RHOJ: variants seen among roughly 807,000 people sequenced by gnomAD.
RHOJ encodes ras homolog family member J.
A neutral mutation model predicts 23.4 loss-of-function variants in RHOJ; 11 were observed. The observed-to-expected ratio is 0.47, with a 90% CI of 0.30 to 0.78. The LOEUF is 0.78. Ranked by LOEUF, RHOJ falls within the 30% of genes least tolerant of loss-of-function variation. The pLI is 0.08. For missense variants in RHOJ, 254 were observed against 273.4 expected, an observed-to-expected ratio of 0.93 and a Z score of 0.50; for synonymous variants, 102 against 102.7, an observed-to-expected ratio of 0.99 and a Z score of 0.04.
At chr14:63,275,184 T>G (rs908250606) in intron 2 of RHOJ, among the ~76,000 whole-genome samples, 4 of 152,072 alleles carry the variant, frequency 2.6e-5, no homozygotes, top group Admixed American at 6.6e-5. Context: ...CCAGGCGTGG[T>G]GTGCATACCT....
In RHOJ at chr14:63,292,594, C is replaced by G. The variant is rs1417701569; in HGVS notation, c.*1570C>G. On this transcript the variant is annotated 3_prime_UTR_variant, in exon 5 of 5. Transcript: ENST00000316754. ...AACTTTAAGACTTTCCAGATTCAAG[C>G]TCCCACTGTTGGAAAAAGCCAGCCT... 1 of 152,094 alleles carries G rather than the reference C, an allele frequency of 6.6e-6. No individual in the cohort carries two copies. The highest frequency in any genetic ancestry group is 1.5e-5 in the Non-Finnish European group (1 of 68,026). 9.4% of individuals were successfully genotyped at this position (152,094 alleles called of 1,614,324 possible).
rs555607318 is a variant in RHOJ at position 63,269,742 on chromosome 14, A to G, written c.237+574A>G. 2.0e-5 allele frequency among the ~76,000 whole-genome samples: 3 copies of G among 152,328 alleles called. 1 individual carries two copies. The highest frequency in any genetic ancestry group is 4.1e-4 in the South Asian group (2 of 4,824). ...CTAACTTCCCTAAGATTCTTGAAAT[A>G]TTCTCACTTTGTCAGGACTGTTTCT... On this transcript the variant is annotated intron_variant, in intron 2 of 4. Transcript: ENST00000316754.
intron 1 of RHOJ, among the ~76,000 whole-genome samples, chr14:63,265,236 A>G (rs1414341984): frequency 6.6e-6 from 1 of 152,232 alleles, no homozygotes; most frequent in African/African-American, 2.4e-5. Flanking sequence ...ATTCTTCTGC[A>G]TATGGCTAGC....
chr14:63,245,340 G>GTATA (rs1404818694), intron 1 of RHOJ, among the ~76,000 whole-genome samples: 2 of 151,934 alleles, frequency 1.3e-5, no homozygotes, highest in Non-Finnish European at 2.9e-5. Flanking sequence ...AATACACAGG[G>GTATA]TATACTATTT....
At chr14:63,250,197 C>A (rs1345194821) in intron 1 of RHOJ, among the ~76,000 whole-genome samples, 1 of 152,178 alleles carries the variant, frequency 6.6e-6, no homozygotes, top group Admixed American at 6.5e-5. Flanking sequence ...TATCTGCTTA[C>A]TCCCCTCATT....
chr14:63,230,239 G>C (rs1894666544), intron 1 of RHOJ, among the ~76,000 whole-genome samples: 1 of 151,730 alleles, frequency 6.6e-6, no homozygotes, highest in South Asian at 2.1e-4. Flanking sequence ...GACTGACCAA[G>C]ATATAGAAGG....
At chr14:63,290,555 T>G (rs1227854431) in intron 4 of RHOJ, among the ~76,000 whole-genome samples, 3 of 152,176 alleles carry the variant, frequency 2.0e-5, no homozygotes, top group African/African-American at 7.2e-5. Flanking sequence ...GTCTCCTAAT[T>G]TTTTAGATCT....
chr14:63,233,884 A>G (rs1328700044), intron 1 of RHOJ, among the ~76,000 whole-genome samples: 1 of 152,166 alleles, frequency 6.6e-6, no homozygotes, highest in Non-Finnish European at 1.5e-5. Context: ...GCAGCTCCCA[A>G]CCGTTCCCAG....
intron 1 of RHOJ, among the ~76,000 whole-genome samples, chr14:63,224,526 C>A (rs144420623): frequency 3.3e-5 from 5 of 152,210 alleles, no homozygotes; most frequent in African/African-American, 1.2e-4. Context: ...GCATGTAAAT[C>A]CATTTGTATG....
chr14:63,272,432 G>A (rs185456014), intron 2 of RHOJ, among the ~76,000 whole-genome samples: 25 of 152,326 alleles, frequency 1.6e-4, no homozygotes, highest in Admixed American at 3.9e-4. Context: ...AAAAGAAAAT[G>A]TCTCTGAATC....
intron 2 of RHOJ, among the ~76,000 whole-genome samples, chr14:63,272,024 A>C (rs1895479860): frequency 6.6e-6 from 1 of 152,272 alleles, no homozygotes; most frequent in African/African-American, 2.4e-5. Context: ...GCAGAATCTC[A>C]AGGTCTATCC....
intron 1 of RHOJ, among the ~76,000 whole-genome samples, chr14:63,258,451 T>A (rs201066276): frequency 4.9e-5 from 4 of 82,354 alleles, no homozygotes; most frequent in Non-Finnish European, 7.9e-5. Flanking sequence ...CTGTTTAAAA[T>A]ATATATATAT....
chr14:63,247,484 TAAAG>T (rs1894996977), intron 1 of RHOJ, among the ~76,000 whole-genome samples: 1 of 152,076 alleles, frequency 6.6e-6, no homozygotes, highest in Non-Finnish European at 1.5e-5. Flanking sequence ...ACAGAAAAAA[TAAAG>T]AAACTATAAT....
chr14:63,264,096 C>G (rs1895322918), intron 1 of RHOJ, among the ~76,000 whole-genome samples: 1 of 151,970 alleles, frequency 6.6e-6, no homozygotes, highest in South Asian at 2.1e-4. Context: ...TACCGATCAC[C>G]TGAGTACTAT....
chr14:63,284,294 C>T lies in RHOJ; in HGVS notation c.498+1078C>T. 3 of 984,910 alleles carry T rather than the reference C, an allele frequency of 3.0e-6. No individual in the cohort carries two copies. The African/African-American group carries it at 5.2e-5, about 17-fold the overall frequency. The allele number at this position is 984,910 out of a possible 1,614,324, so 61.0% of individuals were successfully genotyped here. A position where few individuals can be genotyped will look rare whatever the true frequency, so the allele number is the denominator to read the frequency against. ...AGGTATCCTGCATGAGAACCTCTCA[C>T]AACACCTGATCGAGATACTGAACTC... On this transcript the variant is annotated intron_variant, in intron 4 of 4. Transcript: ENST00000316754.
chr14:63,206,616 A>G (rs1406526118), intron 1 of RHOJ, among the ~76,000 whole-genome samples: 1 of 152,202 alleles, frequency 6.6e-6, no homozygotes, highest in Non-Finnish European at 1.5e-5. Flanking sequence ...ATGTATCCAA[A>G]TCCCCATGTA....
chr14:63,217,699 T>C (rs76987769), intron 1 of RHOJ, among the ~76,000 whole-genome samples: 11,155 of 152,122 alleles, frequency 0.073, 685 homozygotes, highest in East Asian at 0.2. Context: ...TGGGATCTAA[T>C]TAAACTAAAG....
intron 1 of RHOJ, among the ~76,000 whole-genome samples, chr14:63,251,288 G>A (rs1310996181): frequency 6.6e-6 from 1 of 152,244 alleles, no homozygotes; most frequent in Middle Eastern, 3.4e-3. Flanking sequence ...ATTATTAAGT[G>A]TAAAGAAAAG....
Position 63,269,140 on chromosome 14 carries a change from T to G in RHOJ, c.209T>G (p.Leu70Trp), listed in dbSNP as rs1358431364. The change falls in exon 2 of 5, where the codon TTG (leucine) becomes TGG (tryptophan). Residue 70 changes from leucine (L) to tryptophan (W), a missense_variant. Transcript: ENST00000316754. Reference protein sequence around the residue: ...VTVTVGGKQHLLGLYDTAGQE... With the variant: ...VTVTVGGKQHWLGLYDTAGQE... ...GTGACTGTGGGAGGCAAGCAACACT[T>G]GCTCGGACTGTATGACACCGCGGGA... 1.2e-6 allele frequency: 2 copies of G among 1,613,552 alleles called. No homozygotes were observed. Among genetic ancestry groups the G allele is most frequent in the Non-Finnish European group, 1.7e-6 (2 of 1,179,542 alleles).
Sources: allele counts gnomAD v4.1 joint callset (sites outside exome capture counted in the v4.1 genomes callset), GRCh38; gene constraint gnomAD v4.1.1; transcripts MANE v1.5; gene names NCBI Gene and HGNC (gene_info 2026-07-23, HGNC 2026-07-21).